KIF25: variants seen among roughly 807,000 people sequenced by gnomAD.
The protein encoded by KIF25 is kinesin-like protein KIF25.
KIF25 carries 19 observed loss-of-function variants against 32.9 expected under a neutral mutation model. That is an observed-to-expected ratio of 0.58 (90% confidence interval 0.40 to 0.85). KIF25 has a LOEUF of 0.85. Ranked by LOEUF, KIF25 falls within the 40% of genes least tolerant of loss-of-function variation. KIF25 has a pLI of 0.00. For synonymous variants in KIF25, 225 were observed against 213.7 expected (o/e 1.05, Z -0.46); for missense variants, 485 against 507.0 (o/e 0.96, Z 0.42).
chr6:168,034,696 T>C (rs1309594619), intron 8 of KIF25, among the ~76,000 whole-genome samples: 1 of 152,176 alleles, frequency 6.6e-6, no homozygotes, highest in African/African-American at 2.4e-5. Flanking sequence ...TCCGTCGCCC[T>C]TCCTCCTGCC....
rs376194412 is a variant in KIF25, at chr6:168,040,125, G to A, written c.555G>A (p.Ala185=). The A allele has an allele frequency of 9.9e-6, 16 of 1,613,952 alleles. No homozygotes were observed. Among genetic ancestry groups the A allele is most frequent in the Admixed American group, 3.3e-5 (2 of 60,008 alleles). Reference sequence around the variant, plus strand: ...TTCATGGAGGTCTGCAGCTCAGGGCGAAGCACCCCACCCTGGTGCACGCGG... The same window carrying A: ...TTCATGGAGGTCTGCAGCTCAGGGCAAAGCACCCCACCCTGGTGCACGCGG... ...ELVHGGLQLR[A]KHPTLVHADS... Residue 185 remains alanine (A), a synonymous_variant, in exon 10 of 13, where the codon GCG becomes GCA. Transcript: ENST00000643607.
In KIF25 at chr6:168,029,622, C is replaced by G. The variant is rs765126013; in HGVS notation, c.37C>G (p.Gln13Glu). 1 of 1,610,228 alleles carries G rather than the reference C, an allele frequency of 6.2e-7. No homozygotes were observed. Among genetic ancestry groups the G allele is most frequent in the Non-Finnish European group, 8.5e-7 (1 of 1,178,852 alleles). The change falls in exon 6 of 13, where the codon CAG (glutamine) becomes GAG (glutamate). Residue 13 changes from glutamine to glutamate, a missense_variant. Around this residue, in one of 2 missense-constraint regions of KIF25, gnomAD observed 5 missense variants for 36.7 expected, o/e 0.14. Coordinates refer to ENST00000643607, the MANE Select transcript of KIF25 (RefSeq NM_030615.4). ...WTSGQLQREKQARPGSGAVLA... is the reference protein window; with the variant it reads ...WTSGQLQREKEARPGSGAVLA... ...CTCAGGTCAGCTTCAGCGTGAGAAG[C>G]AGGCCAGGCCTGGGTCTGGAGCCGT...
chr6:168,018,922 A>T (rs1798752196), intron 5 of KIF25, among the ~76,000 whole-genome samples: 1 of 152,232 alleles, frequency 6.6e-6, no homozygotes, highest in African/African-American at 2.4e-5. Flanking sequence ...AGCGGTAAGA[A>T]GGAGGAGGCC....
At chr6:168,016,325 A>G (rs1798712356) in intron 4 of KIF25, among the ~76,000 whole-genome samples, 3 of 152,226 alleles carry the variant, frequency 2.0e-5, no homozygotes, top group African/African-American at 7.2e-5. Flanking sequence ...TGCCCAGTAA[A>G]TACTCAGCAG....
At chr6:168,007,045 G>A (rs939950788) in intron 4 of KIF25, among the ~76,000 whole-genome samples, 5 of 151,990 alleles carry the variant, frequency 3.3e-5, no homozygotes, top group Non-Finnish European at 2.9e-5. Context: ...GTATACATTC[G>A]ACATCTACAA....
chr6:168,029,435 A>T, intron 5 of KIF25, 57 bp from the exon 6 acceptor site: 2 of 1,216,970 alleles, frequency 1.6e-6, no homozygotes, highest in South Asian at 1.7e-5. Context: ...ACTAACATTC[A>T]TGTTAAGGCA....
chr6:168,032,039 T>C (rs1005596786), intron 7 of KIF25, among the ~76,000 whole-genome samples: 1 of 152,242 alleles, frequency 6.6e-6, no homozygotes, highest in Admixed American at 6.5e-5. Context: ...TAAAGGATTA[T>C]GGAGACTAAA....
At chr6:168,020,198 C>T (rs991485088) in intron 5 of KIF25, among the ~76,000 whole-genome samples, 3 of 151,986 alleles carry the variant, frequency 2.0e-5, no homozygotes, top group African/African-American at 7.2e-5. Flanking sequence ...TGAAAAGACA[C>T]GTTGAAGACT....
intron 4 of KIF25, among the ~76,000 whole-genome samples, chr6:168,011,379 G>A (rs568803075): frequency 3.6e-4 from 55 of 152,162 alleles, no homozygotes; most frequent in East Asian, 2.3e-3. Context: ...TGTAAGTCCC[G>A]TCTTGTGGTA....
chr6:168,036,135 G>A (rs1231686726), intron 8 of KIF25: 1 of 183,792 alleles, frequency 5.4e-6, no homozygotes, highest in Non-Finnish European at 1.2e-5. Flanking sequence ...TAAATAAAAT[G>A]CTACTGCCTG....
chr6:168,041,209 C>T (rs1799113487), intron 10 of KIF25, among the ~76,000 whole-genome samples: 1 of 152,240 alleles, frequency 6.6e-6, no homozygotes, highest in Non-Finnish European at 1.5e-5. Context: ...ATCCTTCTTG[C>T]CACCGTGGCA....
At chr6:168,002,151 C>T (rs1169316941) in intron 2 of KIF25, among the ~76,000 whole-genome samples, 3 of 80,392 alleles carry the variant, frequency 3.7e-5, no homozygotes, top group Admixed American at 1.1e-4. Context: ...ACACCTGAGG[C>T]GTGGCCTCGG....
intron 4 of KIF25, among the ~76,000 whole-genome samples, chr6:168,011,219 G>T (rs1344303795): frequency 6.6e-6 from 1 of 151,778 alleles, no homozygotes; most frequent in Non-Finnish European, 1.5e-5. Flanking sequence ...TTTATTTTTT[G>T]CATTTAGGTG....
At chr6:168,026,408 A>C (rs1241217746) in intron 5 of KIF25, among the ~76,000 whole-genome samples, 1 of 152,242 alleles carries the variant, frequency 6.6e-6, no homozygotes, top group African/African-American at 2.4e-5. Flanking sequence ...GGGAGACTTT[A>C]AATATAAATC....
At chr6:168,005,164 G>T (rs1798562575) in intron 4 of KIF25, among the ~76,000 whole-genome samples, 1 of 152,192 alleles carries the variant, frequency 6.6e-6, no homozygotes, top group Non-Finnish European at 1.5e-5. Flanking sequence ...CGAGCTGACT[G>T]TCACAGGCAT....
intron 4 of KIF25, among the ~76,000 whole-genome samples, chr6:168,006,367 C>A (rs55699917): frequency 0.21 from 31,537 of 152,000 alleles, 4,073 homozygotes; most frequent in East Asian, 0.43. Context: ...GTGTTCTTAT[C>A]ATTTAAAAAT....
At chr6:168,003,361 G>A (rs534347808) in intron 3 of KIF25, among the ~76,000 whole-genome samples, 8 of 152,186 alleles carry the variant, frequency 5.3e-5, no homozygotes, top group Non-Finnish European at 1.2e-4. Flanking sequence ...AGGACGAGTG[G>A]AGTTTTAGAA....
chr6:168,014,299 C>T (rs1798686191), intron 4 of KIF25, among the ~76,000 whole-genome samples: 1 of 152,186 alleles, frequency 6.6e-6, no homozygotes, highest in Non-Finnish European at 1.5e-5. Flanking sequence ...TGATTATTAA[C>T]ATCACTGTTT....
At chr6:168,018,946 C>T (rs932500232) in intron 5 of KIF25, among the ~76,000 whole-genome samples, 2 of 152,200 alleles carry the variant, frequency 1.3e-5, no homozygotes, top group East Asian at 1.9e-4. Context: ...AAAGAACCAC[C>T]GGGGAGGAGC....
Sources: allele counts gnomAD v4.1 joint callset (sites outside exome capture counted in the v4.1 genomes callset), GRCh38; gene constraint gnomAD v4.1.1; regional missense constraint gnomAD v4.1.1; transcripts MANE v1.5; gene names NCBI Gene and HGNC (gene_info 2026-07-23, HGNC 2026-07-21).